TNFRSF19: variants seen among roughly 807,000 people sequenced by gnomAD.
The protein encoded by TNFRSF19 is tumor necrosis factor receptor superfamily member 19.
A neutral mutation model predicts 46.4 loss-of-function variants in TNFRSF19; 27 were observed. That is an observed-to-expected ratio of 0.58 (90% CI 0.43 to 0.80). TNFRSF19 has a LOEUF of 0.80. Among genes scored for constraint, TNFRSF19 ranks in the 30% least tolerant of loss-of-function variants. TNFRSF19 has a pLI of 0.00. For synonymous variants in TNFRSF19, 204 were observed against 205.0 expected (o/e 1.00, Z 0.04); for missense variants, 511 against 530.8 (o/e 0.96, Z 0.37).
chr13:23,618,058 A>G (rs1157156340), intron 4 of TNFRSF19, among the ~76,000 whole-genome samples: 2 of 152,192 alleles, frequency 1.3e-5, no homozygotes, highest in African/African-American at 2.4e-5. Context: ...GGTCATATAC[A>G]GAGACCCAGC....
intron 5 of TNFRSF19, among the ~76,000 whole-genome samples, chr13:23,646,820 G>T (rs148391777): frequency 9.9e-5 from 15 of 152,244 alleles, no homozygotes; most frequent in Non-Finnish European, 2.1e-4. Context: ...GGACTGTATG[G>T]TAACTTTGTG....
intron 1 of TNFRSF19, among the ~76,000 whole-genome samples, chr13:23,579,153 C>G (rs970397224): frequency 1.3e-5 from 2 of 152,226 alleles, no homozygotes; most frequent in Non-Finnish European, 2.9e-5. Flanking sequence ...AGCCCCCAGT[C>G]AGCCTCACAC....
intron 5 of TNFRSF19, among the ~76,000 whole-genome samples, chr13:23,643,717 G>A (rs1042931637): frequency 6.6e-6 from 1 of 152,226 alleles, no homozygotes; most frequent in Non-Finnish European, 1.5e-5. Context: ...CGGATGGCGA[G>A]AAGGTGCGAA....
intron 1 of TNFRSF19, among the ~76,000 whole-genome samples, chr13:23,581,700 TA>T (rs1387395625): frequency 1.3e-5 from 2 of 152,194 alleles, no homozygotes; most frequent in African/African-American, 2.4e-5. Context: ...TAAACATAAG[TA>T]AGGAATTCTG....
intron 1 of TNFRSF19, among the ~76,000 whole-genome samples, chr13:23,571,649 TTA>T (rs1566153749): frequency 6.6e-6 from 1 of 152,202 alleles, no homozygotes; most frequent in Non-Finnish European, 1.5e-5. Flanking sequence ...TCAACAGTTA[TTA>T]TGTTACATAA....
chr13:23,599,418 G>A (rs544214002), intron 3 of TNFRSF19, among the ~76,000 whole-genome samples: 2 of 152,176 alleles, frequency 1.3e-5, no homozygotes, highest in Non-Finnish European at 2.9e-5. Context: ...GATCCTGACA[G>A]CATGTGTCCA....
intron 3 of TNFRSF19, among the ~76,000 whole-genome samples, chr13:23,603,338 A>G (rs1880295930): frequency 6.6e-6 from 1 of 152,096 alleles, no homozygotes; most frequent in Admixed American, 6.6e-5. Context: ...AATAATTCAT[A>G]ACCTTCCAAA....
intron 1 of TNFRSF19, among the ~76,000 whole-genome samples, chr13:23,580,499 A>G (rs536640244): frequency 1.3e-5 from 2 of 152,388 alleles, no homozygotes; most frequent in East Asian, 3.9e-4. Context: ...ATGATCAGAT[A>G]TTAGATGCAA....
intron 7 of TNFRSF19, among the ~76,000 whole-genome samples, chr13:23,664,805 C>T (rs1401577262): frequency 6.6e-6 from 1 of 152,262 alleles, no homozygotes; most frequent in East Asian, 1.9e-4. Flanking sequence ...TAGCCCATTG[C>T]CCTAGGCTAC....
chr13:23,602,667 C>G (rs1189422621), intron 3 of TNFRSF19, among the ~76,000 whole-genome samples: 1 of 152,074 alleles, frequency 6.6e-6, no homozygotes, highest in Non-Finnish European at 1.5e-5. Context: ...TGTCTGCTGT[C>G]AGATCACAAT....
chr13:23,667,133 A>G (rs1565954983), intron 7 of TNFRSF19, among the ~76,000 whole-genome samples: 1 of 88,340 alleles, frequency 1.1e-5, no homozygotes, highest in Non-Finnish European at 2.5e-5. Context: ...ATATATATAT[A>G]TATATATGTA....
chr13:23,669,355 C>G (rs1342946471), intron 9 of TNFRSF19: 1 of 1,248,874 alleles, frequency 8.0e-7, no homozygotes, highest in Non-Finnish European at 1.0e-6. Context: ...AGCACAGCAC[C>G]TGCTGCCTCC....
intron 3 of TNFRSF19, among the ~76,000 whole-genome samples, chr13:23,599,593 G>A (rs1879983835): frequency 6.6e-6 from 1 of 152,144 alleles, no homozygotes; most frequent in South Asian, 2.1e-4. Flanking sequence ...TTGGCTATTG[G>A]TTATTATCTA....
At chr13:23,655,353 T>C (rs1205534726) in intron 5 of TNFRSF19, among the ~76,000 whole-genome samples, 1 of 152,232 alleles carries the variant, frequency 6.6e-6, no homozygotes, top group Non-Finnish European at 1.5e-5. Flanking sequence ...AGTAAATTGC[T>C]AAAGGGTAGT....
At chr13:23,586,691 C>G (rs1040456934) in intron 1 of TNFRSF19, among the ~76,000 whole-genome samples, 2 of 152,146 alleles carry the variant, frequency 1.3e-5, no homozygotes, top group South Asian at 4.1e-4. Context: ...AGGACACATC[C>G]GTGTTAGTTA....
At chr13:23,590,064 A>C (rs535508259) in intron 1 of TNFRSF19, 86 bp from the exon 2 acceptor site, 2 of 596,086 alleles carry the variant, frequency 3.4e-6, no homozygotes, top group Non-Finnish European at 5.8e-6. Context: ...CCTAGTCTAT[A>C]TAGTAAGTGG....
intron 4 of TNFRSF19, among the ~76,000 whole-genome samples, chr13:23,616,744 G>A (rs1259468512): frequency 7.2e-5 from 11 of 151,992 alleles, no homozygotes; most frequent in African/African-American, 7.2e-5. Context: ...CACCACGCCC[G>A]GCTAATTTTT....
rs76500497 is a variant in TNFRSF19 at position 23,572,963 on chromosome 13, A to G, written c.-35+2115A>G. On this transcript the variant is annotated intron_variant, in intron 1 of 9. Transcript: ENST00000248484. ...ATGTTGAGTCCTGATACTGTCACCA[A>G]TTAGCTATATGACCTCAAGAGAGTT... Among the ~76,000 whole-genome samples the G allele has an allele frequency of 9.8e-3, 1,495 of 152,346 alleles. 36 individuals carry two copies. The highest frequency in any genetic ancestry group is 0.09 in the East Asian group (465 of 5,186).
intron 2 of TNFRSF19, among the ~76,000 whole-genome samples, chr13:23,590,596 A>G (rs1879199871): frequency 1.3e-5 from 2 of 152,226 alleles, no homozygotes; most frequent in Admixed American, 6.5e-5. Context: ...TGGCCTCCCA[A>G]AGTGCCGGGA....
Sources: gnomAD v4.1 joint callset for allele counts (sites outside exome capture counted in the v4.1 genomes callset) on GRCh38, gnomAD v4.1.1 for gene constraint, MANE v1.5 for transcripts, NCBI Gene and HGNC (gene_info 2026-07-23, HGNC 2026-07-21) for gene names.